The following ARHGEF18 variants were observed in gnomAD, a reference collection of about 807,000 sequenced individuals.
ARHGEF18 encodes the protein rho guanine nucleotide exchange factor 18.
Under a neutral mutation model 155.7 loss-of-function variants are expected in ARHGEF18, and 93 were observed. That is an observed-to-expected ratio of 0.60 (90% CI 0.50 to 0.71). The LOEUF (loss-of-function observed/expected upper bound fraction) is 0.71, where lower values mean the gene tolerates loss of function less well. ARHGEF18 is among the 30% of genes least tolerant of loss of function. ARHGEF18 has a pLI of 0.00. For missense variants in ARHGEF18, 1,593 were observed against 1,816.1 expected, an observed-to-expected ratio of 0.88 and a Z score of 2.23; for synonymous variants, 742 against 753.1, an observed-to-expected ratio of 0.99 and a Z score of 0.24.
rs766437964 is a variant in ARHGEF18 at position 7,451,245 on chromosome 19, C to T, written c.1834C>T (p.Arg612Cys). The T allele has an allele frequency of 2.7e-5, 43 of 1,613,110 alleles. No homozygotes were observed. Among genetic ancestry groups the T allele is most frequent in the Admixed American group, 8.3e-5 (5 of 59,896 alleles). Residue 612 changes from arginine (R) to cysteine (C), a missense_variant, in exon 16 of 29, where the codon CGC becomes TGC. Transcript: ENST00000668164. ...RITKYPVLVE[R>C]IIQNTEAGTE... The stretch of plus-strand genomic sequence containing the variant: ...AACCAAATACCCAGTGCTGGTGGAG[C>T]GCATCATCCAGAACACGGAAGGTAG...
At chr19:7,399,681 C>T (rs1255390751) in intron 10 of ARHGEF18, among the ~76,000 whole-genome samples, 1 of 151,674 alleles carries the variant, frequency 6.6e-6, no homozygotes, top group African/African-American at 2.4e-5. Flanking sequence ...TGGGTTTCAC[C>T]GTGTTAGCCA....
intron 10 of ARHGEF18, among the ~76,000 whole-genome samples, chr19:7,406,116 T>C (rs1208626997): frequency 6.6e-6 from 1 of 152,162 alleles, no homozygotes; most frequent in Non-Finnish European, 1.5e-5. Flanking sequence ...AGTTTCGCTC[T>C]GTCACCTAGG....
At chr19:7,349,916 T>C (rs1191645009) in intron 1 of ARHGEF18, among the ~76,000 whole-genome samples, 1 of 151,912 alleles carries the variant, frequency 6.6e-6, no homozygotes, top group Non-Finnish European at 1.5e-5. Flanking sequence ...TGTTGCAGAT[T>C]CTGAATCCAC....
intron 11 of ARHGEF18, among the ~76,000 whole-genome samples, chr19:7,441,138 G>C (rs1015076402): frequency 3.3e-5 from 5 of 150,186 alleles, no homozygotes; most frequent in Admixed American, 3.3e-4. Context: ...AAGAAATCCT[G>C]ATGTGACATT....
chr19:7,445,983 T>C (rs532837090), intron 14 of ARHGEF18, among the ~76,000 whole-genome samples: 1 of 152,228 alleles, frequency 6.6e-6, no homozygotes, highest in South Asian at 2.1e-4. Context: ...TCTCAGGAAG[T>C]TGTACAGCAT....
rs769548830 is a variant in ARHGEF18 at position 7,468,833 on chromosome 19, C to A, written c.3489C>A (p.Pro1163=). ...TGCTGTTGTCCCCTCAGGCCCAGCC[C>A]CCAAGCCACCCTCCCAGCTTCAACG... is the stretch of plus-strand genomic sequence containing the variant. The part of the protein sequence containing the change: ...LPPDTLAEAQ[P]PSHPPSFNGE... The change falls in exon 27 of 29, where the codon CCC becomes CCA. Residue 1163 remains proline (P), a synonymous_variant. Transcript: ENST00000668164. 2.6e-6 allele frequency: 4 copies of A among 1,556,072 alleles called. No homozygotes were observed. In the South Asian group the frequency reaches 3.5e-5, roughly 14 times the overall value.
chr19:7,468,147 G>T (rs150150121), intron 26 of ARHGEF18, among the ~76,000 whole-genome samples: 1 of 151,696 alleles, frequency 6.6e-6, no homozygotes, highest in Non-Finnish European at 1.5e-5. Flanking sequence ...GCTGCCATGA[G>T]CCGTGATCAC....
rs3030730 is a variant in ARHGEF18 at position 7,466,381 on chromosome 19, C to CAA, written c.2905-518_2905-517dup. ...CTGGGCAACGAGCAAAACTCCATCT[C>CAA]AAAAAAAAAAAAAAAAAAAATTAAA... On this transcript the variant is annotated intron_variant, in intron 23 of 28. Transcript: ENST00000668164. Among the ~76,000 whole-genome samples, 84 of 98,526 alleles carry CAA rather than the reference C, an allele frequency of 8.5e-4. 2 individuals carry two copies. Among genetic ancestry groups the CAA allele is most frequent in the African/African-American group, 3.3e-3 (78 of 23,970 alleles). 64.6% of individuals were successfully genotyped at this position (98,526 alleles called of 152,430 possible). A position where few individuals can be genotyped will look rare whatever the true frequency, so the allele number is the denominator to read the frequency against.
intron 10 of ARHGEF18, among the ~76,000 whole-genome samples, chr19:7,424,535 C>T (rs1364490861): frequency 2.0e-5 from 3 of 152,170 alleles, no homozygotes; most frequent in Non-Finnish European, 4.4e-5. Flanking sequence ...CTTACAAAGT[C>T]TATAGCAACG....
intron 10 of ARHGEF18, among the ~76,000 whole-genome samples, chr19:7,392,299 A>AG (rs1366270064): frequency 2.0e-5 from 3 of 151,960 alleles, no homozygotes; most frequent in Non-Finnish European, 4.4e-5. Flanking sequence ...GATAAAAGAA[A>AG]GATGGGAGAT....
chr19:7,370,817 C>G (rs1441649092), intron 2 of ARHGEF18, among the ~76,000 whole-genome samples: 1 of 152,060 alleles, frequency 6.6e-6, no homozygotes, highest in Non-Finnish European at 1.5e-5. Flanking sequence ...TGAAATAAAC[C>G]AGACACAAAA....
chr19:7,380,885 G>T, intron 7 of ARHGEF18, 32 bp from the exon 8 acceptor site: 1 of 1,229,420 alleles, frequency 8.1e-7, no homozygotes, highest in South Asian at 4.1e-5. Flanking sequence ...AGAGGCTGCC[G>T]ACCCAGGTAT....
chr19:7,411,623 T>A (rs987422278), intron 10 of ARHGEF18, among the ~76,000 whole-genome samples: 3 of 152,084 alleles, frequency 2.0e-5, no homozygotes, highest in Non-Finnish European at 2.9e-5. Flanking sequence ...CATCTTTTTT[T>A]AAAAAAATCA....
chr19:7,465,029 G>A, intron 23 of ARHGEF18, among the ~76,000 whole-genome samples: 1 of 152,200 alleles, frequency 6.6e-6, no homozygotes, highest in East Asian at 1.9e-4. Context: ...GATGCCAGAT[G>A]TCCCCGGCTA....
chr19:7,365,731 G>T (rs539798143), intron 2 of ARHGEF18, among the ~76,000 whole-genome samples: 1 of 152,234 alleles, frequency 6.6e-6, no homozygotes, highest in East Asian at 1.9e-4. Flanking sequence ...GGAGACCAGG[G>T]CATTTTCCTT....
rs769364225 is a variant in ARHGEF18 at position 7,470,538 on chromosome 19, A to G, written c.*240A>G. On this transcript the variant is annotated 3_prime_UTR_variant, in exon 29 of 29. Coordinates refer to ENST00000668164, the MANE Select transcript of ARHGEF18 (RefSeq NM_001367823.1). The surrounding 1 kb of genome is among the most constrained non-coding windows in gnomAD (Gnocchi z 5.9). ...TCTCTTTTTTTTTTTTTCAAAAAGG[A>G]AAGTTTTTAATGGAAAGTTGAGCCA... 2 of 405,556 alleles carry G rather than the reference A, an allele frequency of 4.9e-6. No individual in the cohort carries two copies. Among genetic ancestry groups the G allele is most frequent in the African/African-American group, 2.1e-5 (1 of 48,072 alleles). The allele number at this position is 405,556 out of a possible 1,614,324, so 25.1% of individuals were successfully genotyped here. A position where few individuals can be genotyped will look rare whatever the true frequency, so the allele number is the denominator to read the frequency against.
intron 15 of ARHGEF18, among the ~76,000 whole-genome samples, chr19:7,450,714 T>TACG (rs1267805816): frequency 2.2e-4 from 23 of 103,606 alleles, no homozygotes; most frequent in South Asian, 9.4e-4. Flanking sequence ...GAGATGTTAA[T>TACG]GCAAGATCTT....
At position 7,372,948 on chromosome 19, in the gene ARHGEF18, A is replaced by T; in HGVS notation, c.152A>T (p.Asp51Val). 1 of 1,234,580 alleles carries T rather than the reference A, an allele frequency of 8.1e-7. No homozygotes were observed. Among genetic ancestry groups the T allele is most frequent in the Non-Finnish European group, 1.0e-6 (1 of 988,324 alleles). The allele number at this position is 1,234,580 out of a possible 1,614,324, so 76.5% of individuals were successfully genotyped here. ...CACAGCCAGCCTGGGGAGACCCCAG[A>T]CAGCCGCCCCACCGGTGAAGAACCA... ...PSHSQPGETP[D>V]SRPTGEEPGR... The change falls in exon 3 of 29, where the codon GAC becomes GTC. Residue 51 changes from aspartate to valine, a missense_variant. By Grantham distance (152) the Asp-to-Val change is radical. Transcript: ENST00000668164.
chr19:7,387,486 G>T lies in ARHGEF18; in HGVS notation c.967+4283G>T, dbSNP rs141699092. On this transcript the variant is annotated intron_variant, in intron 10 of 28. Transcript: ENST00000668164. The stretch of plus-strand genomic sequence containing the variant: ...GTTTTTTGAGTTTTTTTGTTTGTTT[G>T]CATACGCTGAAAGCTAAGAATGGGG... Among the ~76,000 whole-genome samples, 21 of 152,072 alleles carry T rather than the reference G, an allele frequency of 1.4e-4. 1 individual carries two copies. The East Asian group carries it at 3.9e-3, about 28-fold the overall frequency.
Sources: allele counts gnomAD v4.1 joint callset (sites outside exome capture counted in the v4.1 genomes callset), GRCh38; gene constraint gnomAD v4.1.1; non-coding constraint Gnocchi (gnomAD v3.1); transcripts MANE v1.5; gene names NCBI Gene and HGNC (gene_info 2026-07-23, HGNC 2026-07-21).